DLG2: variants seen among roughly 807,000 people sequenced by gnomAD.
The protein encoded by DLG2 is disks large homolog 2.
DLG2 carries 45 observed loss-of-function variants against 132.5 expected under a neutral mutation model. That is an observed-to-expected ratio of 0.34 (90% confidence interval 0.27 to 0.44). The LOEUF (loss-of-function observed/expected upper bound fraction) is 0.44. DLG2 is among the 20% of genes least tolerant of loss of function. The probability of loss-of-function intolerance (pLI) is 1.00; values close to 1 mark genes in which losing one functional copy is unlikely to be tolerated. For missense variants in DLG2, 1,045 were observed against 1,196.9 expected (o/e 0.87, Z 1.87); for synonymous variants, 424 against 419.6 (o/e 1.01, Z -0.13).
intron 6 of DLG2, among the ~76,000 whole-genome samples, chr11:84,935,145 A>G (rs1329256803): frequency 6.6e-6 from 1 of 152,104 alleles, no homozygotes; most frequent in Non-Finnish European, 1.5e-5. Flanking sequence ...AGTCCTACTA[A>G]TTTTCTTAGA....
At position 85,247,635 on chromosome 11, in the gene DLG2, G is replaced by T. The variant is rs2076202679; in HGVS notation, c.186+37585C>A. 4.6e-5 allele frequency among the ~76,000 whole-genome samples: 7 copies of T among 151,998 alleles called. No individual in the cohort carries two copies. The South Asian group carries it at 1.5e-3, about 31-fold the overall frequency. On this transcript the variant is annotated intron_variant, in intron 4 of 27. Transcript: ENST00000376104. ...GAGGAGCTTTCCAAATTTTCCAGGG[G>T]AATGAAATATTTCCCTACCCATACC... is the stretch of plus-strand genomic sequence containing the variant.
At chr11:84,059,823 G>C (rs1255739228) in intron 10 of DLG2, among the ~76,000 whole-genome samples, 2 of 152,066 alleles carry the variant, frequency 1.3e-5, no homozygotes, top group South Asian at 4.1e-4. Context: ...TAATTGGTTT[G>C]ACTGAAAGTT....
chr11:84,414,091 A>G (rs1407101028), intron 7 of DLG2, among the ~76,000 whole-genome samples: 2 of 152,184 alleles, frequency 1.3e-5, no homozygotes, highest in African/African-American at 4.8e-5. Context: ...CTTTTAATCT[A>G]TAAGATAGAT....
chr11:85,078,663 G>A (rs1297477218), intron 6 of DLG2, among the ~76,000 whole-genome samples: 7 of 151,960 alleles, frequency 4.6e-5, no homozygotes, highest in Non-Finnish European at 8.8e-5. Flanking sequence ...AGACATTTTG[G>A]TAGGAGAAGA....
intron 18 of DLG2, among the ~76,000 whole-genome samples, chr11:83,779,572 G>A (rs1054411414): frequency 1.8e-4 from 28 of 152,052 alleles, no homozygotes; most frequent in Non-Finnish European, 1.5e-5. Context: ...TCCCCATCAT[G>A]AGCTACTACA....
At chr11:83,648,309 T>C (rs530809388) in intron 18 of DLG2, among the ~76,000 whole-genome samples, 74 of 152,096 alleles carry the variant, frequency 4.9e-4, no homozygotes, top group African/African-American at 1.6e-3. Flanking sequence ...TGAGGAAGCA[T>C]TGGGTAGACT....
At chr11:83,642,026 TAAAG>T (rs965158200) in intron 18 of DLG2, among the ~76,000 whole-genome samples, 3 of 152,072 alleles carry the variant, frequency 2.0e-5, no homozygotes, top group African/African-American at 7.2e-5. Context: ...CTAGACAATA[TAAAG>T]AGTCTATCTT....
intron 6 of DLG2, among the ~76,000 whole-genome samples, chr11:84,696,595 G>A (rs374743127): frequency 6.6e-6 from 1 of 151,400 alleles, no homozygotes; most frequent in East Asian, 2.0e-4. Flanking sequence ...AAACCAGGCA[G>A]AAAAAAACAG....
chr11:85,134,515 C>A (rs1296728602), intron 5 of DLG2, among the ~76,000 whole-genome samples: 1 of 112,020 alleles, frequency 8.9e-6, no homozygotes. Context: ...GGCAACAGAG[C>A]GAGACTCCGT....
At chr11:84,198,795 T>C (rs2096556099) in intron 8 of DLG2, among the ~76,000 whole-genome samples, 2 of 152,156 alleles carry the variant, frequency 1.3e-5, no homozygotes, top group Non-Finnish European at 2.9e-5. Context: ...ACATAGATAG[T>C]TGACTTTGCA....
chr11:84,124,909 G>A (rs2094105416), intron 9 of DLG2, among the ~76,000 whole-genome samples: 1 of 136,736 alleles, frequency 7.3e-6, no homozygotes, highest in Admixed American at 8.4e-5. Context: ...GGAGTGCAAT[G>A]GCGTGATCTT....
At chr11:85,241,597 T>C (rs1489002969) in intron 4 of DLG2, among the ~76,000 whole-genome samples, 1 of 151,974 alleles carries the variant, frequency 6.6e-6, no homozygotes, top group Non-Finnish European at 1.5e-5. Flanking sequence ...TGGCTGGATA[T>C]AAAATTCAAA....
chr11:85,618,466 T>A (rs2081484650), intron 2 of DLG2, among the ~76,000 whole-genome samples: 1 of 152,216 alleles, frequency 6.6e-6, no homozygotes, highest in Non-Finnish European at 1.5e-5. Context: ...AATGCCTTAA[T>A]CCAACATTTT....
At chr11:83,733,774 T>G (rs1043532695) in intron 18 of DLG2, among the ~76,000 whole-genome samples, 1 of 152,246 alleles carries the variant, frequency 6.6e-6, no homozygotes, top group Admixed American at 6.5e-5. Context: ...TTGTTGTTGT[T>G]GCTTTAAATG....
At chr11:84,317,112 T>A (rs1324868456) in intron 7 of DLG2, 1 of 1,612,810 alleles carries the variant, frequency 6.2e-7, no homozygotes, top group Non-Finnish European at 8.5e-7. Flanking sequence ...GACCCCCGGC[T>A]GCAGCTGTGT....
chr11:84,440,271 C>T (rs1474109996), intron 7 of DLG2, among the ~76,000 whole-genome samples: 1 of 152,162 alleles, frequency 6.6e-6, no homozygotes, highest in African/African-American at 2.4e-5. Flanking sequence ...AGTTAGGACT[C>T]GTGTTCATGT....
intron 6 of DLG2, among the ~76,000 whole-genome samples, chr11:85,108,871 T>C (rs774962279): frequency 3.3e-4 from 50 of 152,134 alleles, no homozygotes; most frequent in Admixed American, 6.6e-4. Context: ...TTGTAAGTTA[T>C]TGAGGCCATT....
chr11:84,386,845 T>C (rs546812921), intron 7 of DLG2, among the ~76,000 whole-genome samples: 3 of 152,242 alleles, frequency 2.0e-5, no homozygotes, highest in East Asian at 1.9e-4. Flanking sequence ...GTTTGCTTTG[T>C]AGGCCTGAAA....
At chr11:84,608,885 CTTACTA>C (rs1479752614) in intron 6 of DLG2, among the ~76,000 whole-genome samples, 1 of 152,180 alleles carries the variant, frequency 6.6e-6, no homozygotes, top group African/African-American at 2.4e-5. Context: ...TTATGAGGCA[CTTACTA>C]TTATCTGCTC....
Sources: allele counts gnomAD v4.1 joint callset (sites outside exome capture counted in the v4.1 genomes callset), GRCh38; gene constraint gnomAD v4.1.1; transcripts MANE v1.5; gene names NCBI Gene and HGNC (gene_info 2026-07-23, HGNC 2026-07-21).